HELZ: variants seen among roughly 807,000 people sequenced by gnomAD.
HELZ encodes the protein helicase with zinc finger.
A neutral mutation model predicts 218.2 loss-of-function variants in HELZ; 23 were observed. That is an observed-to-expected ratio of 0.11 (90% CI 0.08 to 0.15). The LOEUF is 0.15. Among genes scored for constraint, HELZ ranks in the 10% least tolerant of loss-of-function variants. HELZ has a pLI of 1.00. For missense variants in HELZ, 1,813 were observed against 2,353.7 expected (o/e 0.77, Z 4.75); for synonymous variants, 814 against 829.4 (o/e 0.98, Z 0.32).
chr17:67,122,164 A>G (rs1369901945), intron 26 of HELZ, among the ~76,000 whole-genome samples: 2 of 152,200 alleles, frequency 1.3e-5, no homozygotes, highest in African/African-American at 2.4e-5. Flanking sequence ...GTGCTTTGGG[A>G]GGCCAAGTCG....
At chr17:67,198,731 C>G (rs1434887521) in intron 7 of HELZ, among the ~76,000 whole-genome samples, 2 of 152,154 alleles carry the variant, frequency 1.3e-5, no homozygotes, top group Admixed American at 1.3e-4. Flanking sequence ...ACCAGCTTAG[C>G]CCAATTTTTA....
At chr17:67,097,515 G>A (rs925448543) in intron 31 of HELZ, among the ~76,000 whole-genome samples, 4 of 152,200 alleles carry the variant, frequency 2.6e-5, no homozygotes, top group Non-Finnish European at 5.9e-5. Flanking sequence ...AGAGGCAAGG[G>A]CACTTATAAT....
chr17:67,244,942 G>C, intron 1 of HELZ: 1 of 985,958 alleles, frequency 1.0e-6, no homozygotes, highest in Non-Finnish European at 1.2e-6. Flanking sequence ...AGGGGAAGAA[G>C]CTGTAAACAG....
intron 21 of HELZ, among the ~76,000 whole-genome samples, chr17:67,145,292 G>C (rs914448808): frequency 1.3e-5 from 2 of 152,150 alleles, no homozygotes; most frequent in African/African-American, 4.8e-5. Flanking sequence ...AATTGCAAGA[G>C]AATTATATAA....
rs1205144066 is a variant in HELZ at position 67,194,119 on chromosome 17, T to A, written c.482-77A>T. The A allele has an allele frequency of 7.1e-6, 7 of 986,068 alleles. No individual in the cohort carries two copies. In the East Asian group the frequency reaches 1.5e-4, roughly 21 times the overall value. 61.1% of individuals were successfully genotyped at this position (986,068 alleles called of 1,614,324 possible). ...TGATATTTTAATGTGTAAGAGATACTACAATCCCTCCACATACATCATCCC... is the reference window on the plus strand; with the variant it reads ...TGATATTTTAATGTGTAAGAGATACAACAATCCCTCCACATACATCATCCC... On this transcript the variant is annotated intron_variant, in intron 8 of 32. Coordinates refer to ENST00000358691, the MANE Select transcript of HELZ (RefSeq NM_014877.4).
chr17:67,244,604 G>T lies in HELZ; in HGVS notation c.-132+544C>A, dbSNP rs1194560120. The T allele has an allele frequency of 4.7e-6, 4 of 859,682 alleles. No individual in the cohort carries two copies. In the African/African-American group the frequency reaches 5.5e-5, roughly 12 times the overall value. The allele number at this position is 859,682 out of a possible 1,614,324, so 53.3% of individuals were successfully genotyped here. A position where few individuals can be genotyped will look rare whatever the true frequency, so the allele number is the denominator to read the frequency against. On this transcript the variant is annotated intron_variant, in intron 1 of 32. Transcript: ENST00000358691. ...GGGCGGGGAAAGGGGGGAAGAAAGT[G>T]AATCTCGGGCCGAGAGCCCTCCGCG...
In HELZ at chr17:67,072,016, A is replaced by C. The variant is rs202155947; in HGVS notation, c.*6236T>G. On this transcript the variant is annotated 3_prime_UTR_variant, in exon 33 of 33. Coordinates refer to ENST00000358691, the MANE Select transcript of HELZ (RefSeq NM_014877.4). ...TTTGCCCTCACCACCCTCCCCCACA[A>C]AAAAAAAAAATAATAATAACCATAA... is the stretch of plus-strand genomic sequence containing the variant. 2.3e-3 allele frequency: 276 copies of C among 121,340 alleles called. 2 individuals are homozygous for C. Among genetic ancestry groups the C allele is most frequent in the African/African-American group, 4.9e-3 (154 of 31,324 alleles). The allele number at this position is 121,340 out of a possible 1,614,324, so 7.5% of individuals were successfully genotyped here.
chr17:67,092,515 A>G (rs1288019540), intron 31 of HELZ, among the ~76,000 whole-genome samples: 2 of 152,226 alleles, frequency 1.3e-5, no homozygotes, highest in African/African-American at 4.8e-5. Flanking sequence ...CCAGGTACCT[A>G]CAATACAGAC....
intron 31 of HELZ, among the ~76,000 whole-genome samples, chr17:67,103,832 C>T (rs1487268012): frequency 6.6e-6 from 1 of 152,112 alleles, no homozygotes; most frequent in East Asian, 1.9e-4. Context: ...CTCATACTTC[C>T]AATTCCAAAA....
At chr17:67,173,093 A>G in intron 13 of HELZ, 1 of 927,562 alleles carries the variant, frequency 1.1e-6, no homozygotes. Flanking sequence ...GCTAAGAAAT[A>G]AAATAAAATA....
chr17:67,230,984 G>A (rs531711337), intron 3 of HELZ, among the ~76,000 whole-genome samples: 1 of 152,226 alleles, frequency 6.6e-6, no homozygotes, highest in Non-Finnish European at 1.5e-5. Context: ...ATAAATAATG[G>A]TCATCTCATT....
chr17:67,204,579 A>T (rs1301882339), intron 5 of HELZ, among the ~76,000 whole-genome samples: 3 of 152,210 alleles, frequency 2.0e-5, no homozygotes, highest in African/African-American at 7.2e-5. Context: ...TTCCCTTATA[A>T]GATAATAATT....
chr17:67,152,936 A>C lies in HELZ; in HGVS notation c.2178-1712T>G, dbSNP rs141772744. On this transcript the variant is annotated intron_variant, in intron 17 of 32. Transcript: ENST00000358691. Reference sequence around the variant, plus strand: ...AGCAAGTGTTTCAGATAGAAATAGGAGTAACTGTGTTAAATGCTGCTAAGA... The same window carrying C: ...AGCAAGTGTTTCAGATAGAAATAGGCGTAACTGTGTTAAATGCTGCTAAGA... Among the ~76,000 whole-genome samples the C allele has an allele frequency of 1.6e-3, 242 of 152,246 alleles. 1 individual carries two copies. The highest frequency in any genetic ancestry group is 5.6e-3 in the African/African-American group (233 of 41,570).
At chr17:67,202,477 T>C (rs1283453006) in intron 6 of HELZ, among the ~76,000 whole-genome samples, 4 of 152,138 alleles carry the variant, frequency 2.6e-5, no homozygotes, top group Non-Finnish European at 5.9e-5. Context: ...CACTCCAGCC[T>C]CAGCAATTCA....
chr17:67,130,179 G>A (rs970443607), intron 23 of HELZ, among the ~76,000 whole-genome samples: 1 of 152,078 alleles, frequency 6.6e-6, no homozygotes, highest in Admixed American at 6.5e-5. Flanking sequence ...AGATTCAGAA[G>A]GTAGCGGGGT....
rs1265324890 is a variant in HELZ, at chr17:67,078,373, G to C, written c.5708C>G (p.Pro1903Arg). 1 of 1,610,788 alleles carries C rather than the reference G, an allele frequency of 6.2e-7. No homozygotes were observed. The highest frequency in any genetic ancestry group is 1.3e-5 in the African/African-American group (1 of 74,704). The change falls in exon 33 of 33, where the codon CCT (proline) becomes CGT (arginine). Residue 1903 changes from proline to arginine, a missense_variant. By Grantham distance (103) the Pro-to-Arg change is moderately radical. This residue lies in a region of HELZ where 938 missense variants were observed against 1,027.5 expected (regional missense o/e 0.91). Transcript: ENST00000358691. ...AMSYASALRA[P>R]PKPRPPPEQA... ...CTCAGGAGGGGGCCTGGGCTTTGGAGGGGCCCGCAGAGCGCTGGCATAGGA... is the reference window on the plus strand; with the variant it reads ...CTCAGGAGGGGGCCTGGGCTTTGGACGGGCCCGCAGAGCGCTGGCATAGGA...
intron 31 of HELZ, among the ~76,000 whole-genome samples, chr17:67,094,388 TGAGAGAGAGA>T (rs71139117): frequency 2.7e-5 from 4 of 146,410 alleles, no homozygotes; most frequent in Admixed American, 1.4e-4. Context: ...GCAGGTTTGG[TGAGAGAGAGA>T]GAGAGAGAGA....
Position 67,108,516 on chromosome 17 carries a change from T to C in HELZ, c.4700A>G (p.Asp1567Gly). Residue 1567 changes from aspartate (D) to glycine (G), a missense_variant, in exon 30 of 33, where the codon GAT (aspartate) becomes GGT (glycine). Physicochemically the swap from Asp to Gly is moderately conservative, Grantham distance 94. Around this residue, in one of 4 missense-constraint regions of HELZ, gnomAD observed 938 missense variants for 1,027.5 expected, o/e 0.91. Coordinates refer to ENST00000358691, the MANE Select transcript of HELZ (RefSeq NM_014877.4). The surrounding 1 kb of genome is among the most constrained non-coding windows in gnomAD (Gnocchi z 4.1). ...ADWKLTSSAE[D>G]EVETTYSRFQ... Reference sequence around the variant, plus strand: ...CCTTGAGTATGTGGTCTCCACTTCATCTTCGGCACTGCTGGTGAGCTTCCA... The same window carrying C: ...CCTTGAGTATGTGGTCTCCACTTCACCTTCGGCACTGCTGGTGAGCTTCCA... 6.2e-7 allele frequency: 1 copy of C among 1,614,110 alleles called. No individual in the cohort carries two copies. The highest frequency in any genetic ancestry group is 8.5e-7 in the Non-Finnish European group (1 of 1,179,998).
At chr17:67,170,851 C>T (rs892979166) in intron 13 of HELZ, among the ~76,000 whole-genome samples, 2 of 150,786 alleles carry the variant, frequency 1.3e-5, no homozygotes, top group Non-Finnish European at 3.0e-5. Context: ...AGAGCAGGAA[C>T]CCTTACTTAT....
Sources: gnomAD v4.1 joint callset for allele counts (sites outside exome capture counted in the v4.1 genomes callset) on GRCh38, gnomAD v4.1.1 for gene constraint, gnomAD v4.1.1 regional missense constraint, Gnocchi (gnomAD v3.1) non-coding constraint, MANE v1.5 for transcripts, NCBI Gene and HGNC (gene_info 2026-07-23, HGNC 2026-07-21) for gene names.